The following ARNT2 variants were observed in gnomAD, a reference collection of about 807,000 sequenced individuals.
ARNT2 encodes ARNT protein 2.
ARNT2 carries 36 observed loss-of-function variants against 91.7 expected under a neutral mutation model. The ratio of observed to expected loss-of-function variants is 0.39; its 90% CI spans 0.30 to 0.52. ARNT2 has a LOEUF of 0.52. Ranked by LOEUF, ARNT2 falls within the 20% of genes least tolerant of loss-of-function variation. The probability of loss-of-function intolerance (pLI) is 0.72; values close to 1 mark genes in which losing one functional copy is unlikely to be tolerated. For synonymous variants in ARNT2, 365 were observed against 347.1 expected, an observed-to-expected ratio of 1.05 and a Z score of -0.57; for missense variants, 775 against 939.3, an observed-to-expected ratio of 0.83 and a Z score of 2.29.
intron 1 of ARNT2, among the ~76,000 whole-genome samples, chr15:80,416,751 T>TG (rs1308080233): frequency 6.6e-6 from 1 of 152,242 alleles, no homozygotes; most frequent in African/African-American, 2.4e-5. Flanking sequence ...GCATTGGAGT[T>TG]GCGCTTTTCT....
intron 8 of ARNT2, among the ~76,000 whole-genome samples, chr15:80,524,470 C>T (rs1897602076): frequency 6.6e-6 from 1 of 152,016 alleles, no homozygotes. Context: ...TTGTGAAAAC[C>T]TCATATTAAT....
intron 1 of ARNT2, among the ~76,000 whole-genome samples, chr15:80,405,382 G>A (rs971191419): frequency 3.3e-5 from 5 of 152,182 alleles, no homozygotes; most frequent in African/African-American, 1.2e-4. Context: ...TGCAGAGGCT[G>A]CTGTGGGCAC....
intron 3 of ARNT2, among the ~76,000 whole-genome samples, chr15:80,466,282 G>A (rs1896651745): frequency 6.6e-6 from 1 of 152,242 alleles, no homozygotes; most frequent in Non-Finnish European, 1.5e-5. Context: ...ACACAAGTCA[G>A]TGTGCAGTTA....
chr15:80,490,273 G>A (rs888846963), intron 5 of ARNT2, among the ~76,000 whole-genome samples: 1 of 152,134 alleles, frequency 6.6e-6, no homozygotes, highest in Non-Finnish European at 1.5e-5. Context: ...GTGGGGTTTT[G>A]CAGTCCCTCT....
At chr15:80,426,689 T>C (rs1895936683) in intron 1 of ARNT2, among the ~76,000 whole-genome samples, 1 of 152,242 alleles carries the variant, frequency 6.6e-6, no homozygotes, top group South Asian at 2.1e-4. Flanking sequence ...ACCCATTTCA[T>C]GAATTAAAAA....
At chr15:80,517,923 A>G (rs1364843412) in intron 8 of ARNT2, among the ~76,000 whole-genome samples, 1 of 152,018 alleles carries the variant, frequency 6.6e-6, no homozygotes, top group African/African-American at 2.4e-5. Flanking sequence ...TTTCCATGAG[A>G]GTTTATAAGT....
At chr15:80,405,075 C>T (rs1895579669) in intron 1 of ARNT2, among the ~76,000 whole-genome samples, 1 of 152,226 alleles carries the variant, frequency 6.6e-6, no homozygotes, top group Non-Finnish European at 1.5e-5. Context: ...TGTCCTAACC[C>T]TCCGGGGGCA....
chr15:80,525,948 AC>A (rs1310478326), intron 8 of ARNT2, among the ~76,000 whole-genome samples: 1 of 152,206 alleles, frequency 6.6e-6, no homozygotes, highest in Non-Finnish European at 1.5e-5. Context: ...TCTAAAGGCA[AC>A]CTTGAAAAAT....
At chr15:80,522,447 G>A (rs1440602021) in intron 8 of ARNT2, among the ~76,000 whole-genome samples, 1 of 152,110 alleles carries the variant, frequency 6.6e-6, no homozygotes, top group African/African-American at 2.4e-5. Flanking sequence ...AATACATCCT[G>A]AGAAATGTGT....
chr15:80,578,813 G>A (rs1053941237), intron 15 of ARNT2, among the ~76,000 whole-genome samples: 6 of 152,308 alleles, frequency 3.9e-5, no homozygotes, highest in African/African-American at 1.2e-4. Flanking sequence ...ATTAAAGGAT[G>A]CCTGTTAGGG....
At chr15:80,537,267 A>G (rs955023167) in intron 8 of ARNT2, among the ~76,000 whole-genome samples, 1 of 152,156 alleles carries the variant, frequency 6.6e-6, no homozygotes, top group African/African-American at 2.4e-5. Context: ...CTGGCAGTCC[A>G]AGAGGACAAG....
At chr15:80,518,083 T>C (rs879690989) in intron 8 of ARNT2, among the ~76,000 whole-genome samples, 8 of 152,114 alleles carry the variant, frequency 5.3e-5, no homozygotes, top group African/African-American at 9.7e-5. Context: ...TCCAGACATG[T>C]TGTATCAGAT....
At chr15:80,556,777 C>T (rs1374933191) in intron 11 of ARNT2, 1 of 152,256 alleles carries the variant, frequency 6.6e-6, no homozygotes, top group South Asian at 2.1e-4. Context: ...TGTAGTGAGG[C>T]TTGGTGACCT....
intron 12 of ARNT2, among the ~76,000 whole-genome samples, chr15:80,568,039 G>T (rs754320252): frequency 5.9e-5 from 9 of 152,196 alleles, no homozygotes; most frequent in Non-Finnish European, 1.2e-4. Context: ...GCATCCAAAA[G>T]AAACTTCCTG....
chr15:80,501,651 C>A (rs1358347328), intron 5 of ARNT2, among the ~76,000 whole-genome samples: 1 of 152,228 alleles, frequency 6.6e-6, no homozygotes, highest in East Asian at 1.9e-4. Context: ...AACTCCCGGT[C>A]TCAGGAGACC....
intron 8 of ARNT2, among the ~76,000 whole-genome samples, chr15:80,540,489 A>G (rs1036791071): frequency 2.0e-5 from 3 of 151,888 alleles, no homozygotes; most frequent in African/African-American, 7.3e-5. Context: ...TGCTCATTTT[A>G]TTTTTTTGTA....
chr15:80,580,641 G>T, intron 16 of ARNT2, 92 bp downstream of exon 16: 3 of 1,543,988 alleles, frequency 1.9e-6, no homozygotes, highest in South Asian at 2.4e-5. Flanking sequence ...TCTGAGGATG[G>T]GTCGGCTCCT....
At chr15:80,475,372 G>A (rs1846837242) in intron 5 of ARNT2, 149 bp downstream of exon 5, 3 of 771,644 alleles carry the variant, frequency 3.9e-6, no homozygotes, top group Admixed American at 2.8e-5. Flanking sequence ...GGCTAACATG[G>A]TGAAACCCCG....
intron 6 of ARNT2, among the ~76,000 whole-genome samples, chr15:80,508,720 A>G (rs910671848): frequency 6.6e-6 from 1 of 152,210 alleles, no homozygotes; most frequent in Non-Finnish European, 1.5e-5. Context: ...TCCATGAGTA[A>G]ATTATAGTGC....
Sources: gnomAD v4.1 joint callset for allele counts (sites outside exome capture counted in the v4.1 genomes callset) on GRCh38, gnomAD v4.1.1 for gene constraint, MANE v1.5 for transcripts, NCBI Gene and HGNC (gene_info 2026-07-23, HGNC 2026-07-21) for gene names.